The following CNTNAP2 variants were observed in gnomAD, a reference collection of about 807,000 sequenced individuals.
CNTNAP2 encodes contactin-associated protein-like 2.
A neutral mutation model predicts 155.2 loss-of-function variants in CNTNAP2; 98 were observed. The observed-to-expected ratio is 0.63, with a 90% CI of 0.54 to 0.75. The LOEUF is 0.75. CNTNAP2 is among the 30% of genes least tolerant of loss of function. CNTNAP2 has a pLI of 0.00. For synonymous variants in CNTNAP2, 651 were observed against 631.2 expected, an observed-to-expected ratio of 1.03 and a Z score of -0.47; for missense variants, 1,727 against 1,688.1, an observed-to-expected ratio of 1.02 and a Z score of -0.40.
intron 12 of CNTNAP2, among the ~76,000 whole-genome samples, chr7:147,563,778 A>T (rs914234993): frequency 6.6e-6 from 1 of 152,074 alleles, no homozygotes; most frequent in Non-Finnish European, 1.5e-5. Flanking sequence ...TTCTATACAA[A>T]CTTCTTGGCT....
chr7:147,968,639 G>A lies in CNTNAP2; in HGVS notation c.2256-9223G>A, dbSNP rs771807271. 5.3e-5 allele frequency among the ~76,000 whole-genome samples: 8 copies of A among 152,232 alleles called. No individual in the cohort carries two copies. In the South Asian group the frequency reaches 1.5e-3, roughly 28 times the overall value. Reference sequence around the variant, plus strand: ...AGGCTTTAACTTCTGACATAGAAGCGATTTTTGAAAATGAACGTAAAGGAA... The same window carrying A: ...AGGCTTTAACTTCTGACATAGAAGCAATTTTTGAAAATGAACGTAAAGGAA... On this transcript the variant is annotated intron_variant, in intron 14 of 23. Transcript: ENST00000361727.
chr7:147,468,116 T>A (rs1340555026), intron 10 of CNTNAP2, among the ~76,000 whole-genome samples: 2 of 151,724 alleles, frequency 1.3e-5, no homozygotes, highest in African/African-American at 4.8e-5. Context: ...ACCCCATCTC[T>A]ACAAAAAAAA....
At chr7:146,721,875 G>GTGTGTATATATATATATATA (rs1332551916) in intron 1 of CNTNAP2, among the ~76,000 whole-genome samples, 2 of 76,702 alleles carry the variant, frequency 2.6e-5, no homozygotes, top group African/African-American at 1.8e-4. Context: ...GTGTGTGTGT[G>GTGTGTATATATATATATATA]TATATATATA....
chr7:146,283,291 C>G (rs1048096294), intron 1 of CNTNAP2, among the ~76,000 whole-genome samples: 2 of 152,184 alleles, frequency 1.3e-5, no homozygotes, highest in African/African-American at 4.8e-5. Context: ...ACAGATCAGA[C>G]AATTCCAAAT....
At chr7:147,374,507 C>T (rs1311074786) in intron 9 of CNTNAP2, among the ~76,000 whole-genome samples, 5 of 152,196 alleles carry the variant, frequency 3.3e-5, no homozygotes, top group African/African-American at 9.6e-5. Context: ...AATCATTTAT[C>T]CATATGGTTA....
At chr7:147,513,046 C>T (rs1486286594) in intron 11 of CNTNAP2, among the ~76,000 whole-genome samples, 1 of 151,894 alleles carries the variant, frequency 6.6e-6, no homozygotes, top group Non-Finnish European at 1.5e-5. Flanking sequence ...AGTGATATAT[C>T]AATTTTAACA....
chr7:146,142,250 G>A (rs1489967427), intron 1 of CNTNAP2, among the ~76,000 whole-genome samples: 1 of 152,176 alleles, frequency 6.6e-6, no homozygotes, highest in Admixed American at 6.5e-5. Flanking sequence ...AAGTTCAGGG[G>A]TTAGTGAAGA....
intron 1 of CNTNAP2, among the ~76,000 whole-genome samples, chr7:146,361,396 A>T (rs1033414657): frequency 6.6e-6 from 1 of 152,096 alleles, no homozygotes; most frequent in African/African-American, 2.4e-5. Flanking sequence ...GTACCAAGGG[A>T]CTGTATTTTC....
chr7:147,526,210 G>A (rs906699135), intron 11 of CNTNAP2, among the ~76,000 whole-genome samples: 1 of 150,656 alleles, frequency 6.6e-6, no homozygotes, highest in Non-Finnish European at 1.5e-5. Context: ...AAAAAAAAAG[G>A]AAAAGAAAAT....
intron 3 of CNTNAP2, among the ~76,000 whole-genome samples, chr7:146,990,656 G>C (rs1240037272): frequency 6.6e-6 from 1 of 152,000 alleles, no homozygotes; most frequent in Non-Finnish European, 1.5e-5. Context: ...TGGTTTCAGA[G>C]AGAAACCATT....
chr7:147,786,107 T>A (rs1029236218), intron 13 of CNTNAP2, among the ~76,000 whole-genome samples: 20 of 151,974 alleles, frequency 1.3e-4, no homozygotes, highest in African/African-American at 4.1e-4. Flanking sequence ...CTGGCCAACA[T>A]GGTGAAACCC....
intron 1 of CNTNAP2, among the ~76,000 whole-genome samples, chr7:146,129,473 A>G (rs1439428749): frequency 6.6e-6 from 1 of 152,138 alleles, no homozygotes; most frequent in East Asian, 1.9e-4. Flanking sequence ...CATGCTAGCT[A>G]CTCAAGCATT....
chr7:146,572,257 C>A (rs1798452105), intron 1 of CNTNAP2, among the ~76,000 whole-genome samples: 1 of 111,532 alleles, frequency 9.0e-6, no homozygotes, highest in African/African-American at 3.5e-5. Flanking sequence ...CTCTATATTT[C>A]TGTTGTCTTT....
intron 10 of CNTNAP2, among the ~76,000 whole-genome samples, chr7:147,456,014 T>C (rs1344625753): frequency 6.6e-6 from 1 of 152,146 alleles, no homozygotes; most frequent in African/African-American, 2.4e-5. Context: ...AACATAAGAA[T>C]TGATGAATTG....
chr7:147,225,777 AGG>A (rs1563123664), intron 8 of CNTNAP2, among the ~76,000 whole-genome samples: 7 of 139,164 alleles, frequency 5.0e-5, no homozygotes, highest in African/African-American at 1.5e-4. Flanking sequence ...GAAGGAAGGA[AGG>A]AAGGAAGGAA....
At chr7:146,179,474 A>G (rs1323197353) in intron 1 of CNTNAP2, among the ~76,000 whole-genome samples, 1 of 152,216 alleles carries the variant, frequency 6.6e-6, no homozygotes, top group African/African-American at 2.4e-5. Context: ...ACTAATTGAT[A>G]TGCCTGCCTT....
intron 21 of CNTNAP2, among the ~76,000 whole-genome samples, chr7:148,303,560 A>AT (rs1797432794): frequency 6.6e-6 from 1 of 152,198 alleles, no homozygotes; most frequent in Non-Finnish European, 1.5e-5. Flanking sequence ...CATACATACT[A>AT]AGCTGAGAAT....
At chr7:146,167,000 A>G (rs916444780) in intron 1 of CNTNAP2, among the ~76,000 whole-genome samples, 7 of 152,184 alleles carry the variant, frequency 4.6e-5, no homozygotes, top group African/African-American at 1.7e-4. Flanking sequence ...ATGTAGGGGG[A>G]AGGAATCAGG....
intron 8 of CNTNAP2, among the ~76,000 whole-genome samples, chr7:147,140,002 G>A (rs1801561795): frequency 6.6e-6 from 1 of 151,940 alleles, no homozygotes; most frequent in African/African-American, 2.4e-5. Flanking sequence ...TTTCTAACCT[G>A]AGCTCAGACC....
Sources: gnomAD v4.1 joint callset for allele counts (sites outside exome capture counted in the v4.1 genomes callset) on GRCh38, gnomAD v4.1.1 for gene constraint, MANE v1.5 for transcripts, NCBI Gene and HGNC (gene_info 2026-07-23, HGNC 2026-07-21) for gene names.